The following CCDC191 variants were observed in gnomAD, a reference collection of about 807,000 sequenced individuals.
The protein encoded by CCDC191 is coiled-coil domain containing 191.
Under a neutral mutation model 114.0 loss-of-function variants are expected in CCDC191, and 99 were observed. The ratio of observed to expected loss-of-function variants is 0.87; its 90% CI spans 0.74 to 1.03. CCDC191 has a LOEUF of 1.03. CCDC191 is among the 50% of genes least tolerant of loss of function. The pLI, the probability that CCDC191 is intolerant of heterozygous loss-of-function variation, is 0.00. For missense variants in CCDC191, 973 were observed against 1,087.0 expected (o/e 0.90, Z 1.47); for synonymous variants, 351 against 376.0 (o/e 0.93, Z 0.77).
At chr3:114,056,339 G>A in intron 1 of CCDC191, 38 bp downstream of exon 1, 1 of 1,603,322 alleles carries the variant, frequency 6.2e-7, no homozygotes. Context: ...CGCGCCTTGG[G>A]AAAGTCCCCG....
At chr3:113,974,326 T>TG (rs1341939090) in intron 16 of CCDC191, among the ~76,000 whole-genome samples, 1 of 149,754 alleles carries the variant, frequency 6.7e-6, no homozygotes, top group East Asian at 1.9e-4. Flanking sequence ...TGTTTTTTGT[T>TG]TTTTTTTTTT....
At chr3:114,011,209 G>A (rs950389546) in intron 8 of CCDC191, among the ~76,000 whole-genome samples, 188 bp from the exon 9 acceptor site, 1 of 152,160 alleles carries the variant, frequency 6.6e-6, no homozygotes, top group Admixed American at 6.5e-5. Flanking sequence ...CTCATAGAAG[G>A]TGTCAGCACT....
At chr3:114,021,760 T>G (rs2076247640) in intron 7 of CCDC191, among the ~76,000 whole-genome samples, 1 of 152,158 alleles carries the variant, frequency 6.6e-6, no homozygotes, top group African/African-American at 2.4e-5. Context: ...AATAGTGCTC[T>G]ATCCCTTTGC....
intron 13 of CCDC191, among the ~76,000 whole-genome samples, chr3:113,989,993 A>C (rs2075503579): frequency 6.6e-6 from 1 of 152,212 alleles, no homozygotes; most frequent in Non-Finnish European, 1.5e-5. Flanking sequence ...TCTCTAAAGA[A>C]AGAAAGAAAA....
At chr3:114,051,747 T>C (rs922854904) in intron 2 of CCDC191, among the ~76,000 whole-genome samples, 6 of 152,136 alleles carry the variant, frequency 3.9e-5, no homozygotes, top group Non-Finnish European at 7.4e-5. Context: ...TTTGAAAGGG[T>C]GGTCCACTCA....
intron 16 of CCDC191, among the ~76,000 whole-genome samples, chr3:113,969,540 G>C (rs532313966): frequency 2.7e-4 from 41 of 152,240 alleles, no homozygotes; most frequent in Non-Finnish European, 5.4e-4. Flanking sequence ...GTGAGAGAAA[G>C]GGGTCTCATT....
chr3:113,997,619 G>A (rs932295104), intron 13 of CCDC191, among the ~76,000 whole-genome samples: 2 of 152,164 alleles, frequency 1.3e-5, no homozygotes, highest in Admixed American at 1.3e-4. Context: ...AGGGACAATA[G>A]GAGCCAACCT....
At chr3:113,984,456 A>G (rs894681883) in intron 13 of CCDC191, 10 of 152,164 alleles carry the variant, frequency 6.6e-5, no homozygotes, top group Non-Finnish European at 1.5e-4. Context: ...GAGGTTGCTT[A>G]CTGGGAAAAG....
At chr3:114,022,317 G>C (rs1384913049) in intron 7 of CCDC191, among the ~76,000 whole-genome samples, 2 of 152,168 alleles carry the variant, frequency 1.3e-5, no homozygotes, top group East Asian at 3.8e-4. Flanking sequence ...AGGTGGAACA[G>C]CAATTTGCTA....
chr3:113,980,561 AC>A, intron 14 of CCDC191, 88 bp downstream of exon 14: 1 of 1,242,430 alleles, frequency 8.0e-7, no homozygotes. Context: ...AAATCACCAA[AC>A]CCTACCCTCC....
At chr3:114,013,745 T>C (rs1033704636) in intron 8 of CCDC191, among the ~76,000 whole-genome samples, 1 of 152,142 alleles carries the variant, frequency 6.6e-6, no homozygotes, top group Non-Finnish European at 1.5e-5. Flanking sequence ...AAGGTTTGAA[T>C]AGGAATTTAA....
chr3:114,005,435 C>T (rs1244182504), intron 10 of CCDC191, 73 bp downstream of exon 10: 37 of 1,407,192 alleles, frequency 2.6e-5, no homozygotes, highest in Non-Finnish European at 3.1e-5. Flanking sequence ...AGAAGCAGGG[C>T]AAAGAAGCTC....
At chr3:114,039,855 A>T (rs2076537184) in intron 4 of CCDC191, among the ~76,000 whole-genome samples, 1 of 152,234 alleles carries the variant, frequency 6.6e-6, no homozygotes, top group Non-Finnish European at 1.5e-5. Context: ...AAAGTAAAAA[A>T]GTTGGAGTAA....
At position 113,974,882 on chromosome 3, in the gene CCDC191, C is replaced by T. The variant is rs957085885; in HGVS notation, c.2606+3304G>A. Among the ~76,000 whole-genome samples, 137 of 152,218 alleles carry T rather than the reference C, an allele frequency of 9.0e-4. 1 individual carries two copies. The highest frequency in any genetic ancestry group is 4.4e-4 in the Non-Finnish European group (30 of 68,014). ...GCTCTCTCAATCTCTCTCTTTCTCTCTAATCTTTTATGTTTTCTACTAAAT... is the reference window on the plus strand; with the variant it reads ...GCTCTCTCAATCTCTCTCTTTCTCTTTAATCTTTTATGTTTTCTACTAAAT... On this transcript the variant is annotated intron_variant, in intron 16 of 16. Transcript: ENST00000295878.
chr3:114,050,165 C>T (rs1197022045), intron 2 of CCDC191, among the ~76,000 whole-genome samples: 3 of 152,214 alleles, frequency 2.0e-5, no homozygotes, highest in Non-Finnish European at 4.4e-5. Context: ...GTTATTCCCA[C>T]GATCTTATAA....
In CCDC191 at chr3:114,005,669, TTTC is replaced by T. The variant is rs2075942416; in HGVS notation, c.1704_1706del (p.Lys569del). Reference sequence around the variant, plus strand: ...GAATTGTTTTCTGCTGTTCCTGAAGTTTCTTCTTTTGCTTCTCAATCAGCTGTT... The same window carrying T: ...GAATTGTTTTCTGCTGTTCCTGAAGTTTCTTTTGCTTCTCAATCAGCTGTT... On this transcript the variant is annotated inframe_deletion, in exon 10 of 17. Coordinates refer to ENST00000295878, the MANE Select transcript of CCDC191 (RefSeq NM_020817.2). 1 of 1,614,112 alleles carries T rather than the reference TTTC, an allele frequency of 6.2e-7. No individual in the cohort carries two copies. The highest frequency in any genetic ancestry group is 1.7e-5 in the Admixed American group (1 of 60,008).
At chr3:114,036,467 ATTTTAT>A (rs1027184451) in intron 5 of CCDC191, 135 bp downstream of exon 5, 1 of 487,960 alleles carries the variant, frequency 2.0e-6, no homozygotes, top group African/African-American at 2.0e-5. Flanking sequence ...AAGTTCTTAT[ATTTTAT>A]TTTTATTCTC....
intron 4 of CCDC191, among the ~76,000 whole-genome samples, chr3:114,039,676 T>C (rs1237453796): frequency 6.6e-6 from 1 of 152,040 alleles, no homozygotes; most frequent in East Asian, 1.9e-4. Context: ...CCTGGTTCTG[T>C]ATAGGCCTAG....
At chr3:114,011,130 G>A in intron 8 of CCDC191, 109 bp from the exon 9 acceptor site, 1 of 1,211,308 alleles carries the variant, frequency 8.3e-7, no homozygotes, top group Non-Finnish European at 1.1e-6. Flanking sequence ...CTCCATCTTA[G>A]CTCTCGCTTA....
Sources: gnomAD v4.1 joint callset for allele counts (sites outside exome capture counted in the v4.1 genomes callset) on GRCh38, gnomAD v4.1.1 for gene constraint, MANE v1.5 for transcripts, NCBI Gene and HGNC (gene_info 2026-07-23, HGNC 2026-07-21) for gene names.